The following MAPK15 variants were observed in gnomAD, a reference collection of about 807,000 sequenced individuals.
MAPK15 encodes ERK-7.
In MAPK15, 61 loss-of-function variants were observed where a neutral mutation model predicts 60.8. That is an observed-to-expected ratio of 1.00 (90% CI 0.82 to 1.24). MAPK15 has a LOEUF of 1.24. Among genes scored for constraint, MAPK15 ranks in the 50% most tolerant of loss-of-function variants. The pLI is 0.00. For missense variants in MAPK15, 808 were observed against 741.1 expected, an observed-to-expected ratio of 1.09 and a Z score of -1.05; for synonymous variants, 356 against 319.9, an observed-to-expected ratio of 1.11 and a Z score of -1.21.
chr8:143,720,766 T>C lies in MAPK15; in HGVS notation c.843T>C (p.Leu281=), dbSNP rs781890831. ...CCTCCCCAGAGGCCTTGGACCTCCT[T>C]AGGCGACTCCTGGTGTTCGCCCCGG... ...PDTSPEALDL[L]RRLLVFAPDK... is the part of the protein sequence containing the mutation. Residue 281 remains leucine (L), a synonymous_variant, in exon 9 of 14, where the codon CTT becomes CTC. Transcript: ENST00000338033. The surrounding 1 kb of genome is among the most constrained non-coding windows in gnomAD (Gnocchi z 4.6). 1.5e-5 allele frequency: 24 copies of C among 1,613,590 alleles called. No individual in the cohort carries two copies. The highest frequency in any genetic ancestry group is 2.2e-5 in the East Asian group (1 of 44,886).
rs1554619600 is a variant in MAPK15, at chr8:143,720,975, GCCCCACCT to G, written c.918-21_918-14del. ...AGGGGCTCCCTTGGCCGCAGCCCGG[GCCCCACCT>G]CCCTGGCTCCCTGCAGGTTCCACTG... On this transcript the variant is annotated splice_polypyrimidine_tract_variant and intron_variant, in intron 9 of 13. Coordinates refer to ENST00000338033, the MANE Select transcript of MAPK15 (RefSeq NM_139021.3). The surrounding 1 kb of genome is among the most constrained non-coding windows in gnomAD (Gnocchi z 4.6). 1.3e-6 allele frequency: 2 copies of G among 1,597,582 alleles called. No individual in the cohort carries two copies. The highest frequency in any genetic ancestry group is 1.7e-6 in the Non-Finnish European group (2 of 1,172,666).
chr8:143,721,981 C>T, intron 13 of MAPK15, 94 bp from the exon 14 acceptor site: 2 of 1,528,002 alleles, frequency 1.3e-6, no homozygotes, highest in Non-Finnish European at 8.8e-7. Context: ...ATTGCCCCTC[C>T]AATGTCCAGT....
intron 1 of MAPK15, among the ~76,000 whole-genome samples, chr8:143,716,914 A>C (rs1563747025): frequency 1.3e-5 from 2 of 151,616 alleles, no homozygotes; most frequent in African/African-American, 4.9e-5. Context: ...GTGTGTGAGC[A>C]TGTAAGCCTG....
Position 143,722,311 on chromosome 8 carries a change from T to A in MAPK15, c.*60T>A, listed in dbSNP as rs1818117183. On this transcript the variant is annotated 3_prime_UTR_variant, in exon 14 of 14. Transcript: ENST00000338033. ...TGCCCCAGCCCCTTCCCCAGACCCC[T>A]CTCCAGTCTCCTGCACCCCTTAGCC... 1.4e-6 allele frequency: 2 copies of A among 1,412,030 alleles called. No homozygotes were observed. Among genetic ancestry groups the A allele is most frequent in the Non-Finnish European group, 1.9e-6 (2 of 1,059,018 alleles). The allele number at this position is 1,412,030 out of a possible 1,614,324, so 87.5% of individuals were successfully genotyped here. A position where few individuals can be genotyped will look rare whatever the true frequency, so the allele number is the denominator to read the frequency against.
Position 143,721,790 on chromosome 8 carries a change from C to G in MAPK15, c.1368C>G (p.Thr456=). The change falls in exon 13 of 14, where the codon ACC becomes ACG. Residue 456 remains threonine, a synonymous_variant. Coordinates refer to ENST00000338033, the MANE Select transcript of MAPK15 (RefSeq NM_139021.3). ...PSGRGAAPSL[T]SQAAAQVANQ... The stretch of plus-strand genomic sequence containing the variant: ...GGAGGGGAGCTGCGCCCTCCCTGAC[C>G]TCCCAGGCTGCGGCTCAGGTGGCCA... The G allele has an allele frequency of 6.2e-7, 1 of 1,613,290 alleles. No homozygotes were observed. Among genetic ancestry groups the G allele is most frequent in the Non-Finnish European group, 8.5e-7 (1 of 1,179,828 alleles).
rs1554619248 is a variant in MAPK15, at chr8:143,719,385, G to A, written c.624G>A (p.Leu208=). The change falls in exon 7 of 14, where the codon CTG becomes CTA. Residue 208 remains leucine, a synonymous_variant. Transcript: ENST00000338033. ...GVDMWSLGCI[L]GEMLRGRPLF... is the part of the protein sequence containing the mutation. The stretch of plus-strand genomic sequence containing the variant: ...ACATGTGGAGTCTGGGCTGTATCCT[G>A]GGGGAGATGCTGCGGGGGAGACCCC... 2 of 1,611,322 alleles carry A rather than the reference G, an allele frequency of 1.2e-6. No individual in the cohort carries two copies. The highest frequency in any genetic ancestry group is 1.1e-5 in the South Asian group (1 of 90,658).
intron 1 of MAPK15, 137 bp downstream of exon 1, chr8:143,716,580 G>A: frequency 1.4e-6 from 1 of 728,982 alleles, no homozygotes; most frequent in Non-Finnish European, 2.1e-6. Flanking sequence ...AGGCGGGAGA[G>A]GTGGTCTGGA....
chr8:143,718,822 G>A lies in MAPK15; in HGVS notation c.334G>A (p.Val112Ile), dbSNP rs371795375. ...VIRKGGLLQD[V>I]HVRSIFYQLL... ...CCGGAAGGGCGGCCTGCTGCAGGACGTCCACGTGCGCTCCATCTTCTACCA... is the reference window on the plus strand; with the variant it reads ...CCGGAAGGGCGGCCTGCTGCAGGACATCCACGTGCGCTCCATCTTCTACCA... The change falls in exon 5 of 14, where the codon GTC (valine) becomes ATC (isoleucine). Residue 112 changes from valine to isoleucine, a missense_variant. By Grantham distance (29) the Val-to-Ile change is conservative. Transcript: ENST00000338033. 1.7e-5 allele frequency: 27 copies of A among 1,611,568 alleles called. No individual in the cohort carries two copies. Among genetic ancestry groups the A allele is most frequent in the Non-Finnish European group, 2.2e-5 (26 of 1,179,660 alleles).
chr8:143,718,154 T>G, intron 3 of MAPK15, 58 bp from the exon 4 acceptor site: 1 of 1,613,118 alleles, frequency 6.2e-7, no homozygotes, highest in Non-Finnish European at 8.5e-7. Context: ...ACTGGCCTTC[T>G]TGGGCCCCAG....
In MAPK15 at chr8:143,721,071, T is replaced by C; in HGVS notation, c.989T>C (p.Leu330Pro). ...VRPRAHEGVQ[L>P]SVPEYRSRVY... ...CCCCGGGCACACGAAGGGGTCCAGC[T>C]CTCTGTGCCTGAGTACCGCAGCCGC... is the stretch of plus-strand genomic sequence containing the variant. Residue 330 changes from leucine (L) to proline (P), a missense_variant, in exon 10 of 14, where the codon CTC (leucine) becomes CCC (proline). Leu to Pro is a moderately conservative substitution (Grantham distance 98). Coordinates refer to ENST00000338033, the MANE Select transcript of MAPK15 (RefSeq NM_139021.3). 6.2e-7 allele frequency: 1 copy of C among 1,611,852 alleles called. No homozygotes were observed. The highest frequency in any genetic ancestry group is 1.1e-5 in the South Asian group (1 of 91,018).
chr8:143,716,861 G>C (rs143719634), intron 1 of MAPK15, among the ~76,000 whole-genome samples: 4 of 152,204 alleles, frequency 2.6e-5, no homozygotes, highest in Non-Finnish European at 4.4e-5. Context: ...GCGGTTATGG[G>C]GTGGGCGCAG....
At chr8:143,717,993 A>C in intron 2 of MAPK15, 54 bp from the exon 3 acceptor site, 2 of 1,612,702 alleles carry the variant, frequency 1.2e-6, no homozygotes, top group Non-Finnish European at 1.7e-6. Context: ...CTCTCAGGAC[A>C]TGGGCTTCCT....
chr8:143,719,277 C>T (rs1220261259), intron 6 of MAPK15, 66 bp from the exon 7 acceptor site: 7 of 1,542,494 alleles, frequency 4.5e-6, no homozygotes, highest in Non-Finnish European at 6.1e-6. Context: ...CCCATTCACC[C>T]CCCAGCAACC....
chr8:143,719,903 C>T (rs4875044), intron 7 of MAPK15, among the ~76,000 whole-genome samples: 147,737 of 151,802 alleles, frequency 0.97, 72,008 homozygotes, highest in Middle Eastern at 1. Context: ...CTCTTGAGGG[C>T]GGGGGCAAGA....
At position 143,716,445 on chromosome 8, in the gene MAPK15, T is replaced by C. The variant is rs567448822; in HGVS notation, c.66+2T>C. The stretch of plus-strand genomic sequence containing the variant: ...CTCAGGCGGCAGCTCGGGCAGGGGG[T>C]GAGTGCCTGGGGGTGCGTCCGCGCG... On this transcript the variant is annotated splice_donor_variant, in intron 1 of 13. Coordinates refer to ENST00000338033, the MANE Select transcript of MAPK15 (RefSeq NM_139021.3). LOFTEE classifies it high-confidence loss of function. The C allele has an allele frequency of 4.4e-6, 7 of 1,598,996 alleles. No homozygotes were observed. Among genetic ancestry groups the C allele is most frequent in the Middle Eastern group, 1.7e-4 (1 of 6,002 alleles).
Position 143,720,586 on chromosome 8 carries a change from A to C in MAPK15, c.780-117A>C, listed in dbSNP as rs180873166. 3.3e-4 allele frequency: 495 copies of C among 1,498,410 alleles called. 3 individuals carry two copies. In the Middle Eastern group the frequency reaches 4.2e-3, roughly 13 times the overall value. The allele number at this position is 1,498,410 out of a possible 1,614,324, so 92.8% of individuals were successfully genotyped here. On this transcript the variant is annotated intron_variant, in intron 8 of 13. Coordinates refer to ENST00000338033, the MANE Select transcript of MAPK15 (RefSeq NM_139021.3). The surrounding 1 kb of genome is among the most constrained non-coding windows in gnomAD (Gnocchi z 4.6). The stretch of plus-strand genomic sequence containing the variant: ...CTGCAGGTCAGGCACAGGGGCATCT[A>C]CCTAGACAGGACAGCAGGGTGGACC...
At chr8:143,721,939 C>T in intron 13 of MAPK15, 59 bp downstream of exon 13, 10 of 1,519,920 alleles carry the variant, frequency 6.6e-6, no homozygotes, top group Non-Finnish European at 8.8e-6. Context: ...TCCCCTTCCC[C>T]CCTGCTTTTC....
chr8:143,716,560 C>A, intron 1 of MAPK15, 117 bp downstream of exon 1: 2 of 881,430 alleles, frequency 2.3e-6, no homozygotes, highest in Non-Finnish European at 3.3e-6. Flanking sequence ...TGGCGTCCTG[C>A]CTCCTCCGTA....
chr8:143,717,695 C>T lies in MAPK15; in HGVS notation c.68C>T (p.Ala23Val). Residue 23 changes from alanine (A) to valine (V), a missense_variant and splice_region_variant, in exon 2 of 14, where the codon GCC (alanine) becomes GTC (valine). Transcript: ENST00000338033. ...YLLRRQLGQGAYGIVWKAVDR... is the reference protein window; with the variant it reads ...YLLRRQLGQGVYGIVWKAVDR... ...CTGTGTGACGGCACTCCTTCCCAGG[C>T]CTATGGCATTGTGTGGAAGGCAGTG... The T allele has an allele frequency of 1.2e-6, 2 of 1,603,692 alleles. No individual in the cohort carries two copies. Among genetic ancestry groups the T allele is most frequent in the Non-Finnish European group, 8.5e-7 (1 of 1,175,776 alleles).
Sources: gnomAD v4.1 joint callset for allele counts (sites outside exome capture counted in the v4.1 genomes callset) on GRCh38, gnomAD v4.1.1 for gene constraint, Gnocchi (gnomAD v3.1) non-coding constraint, MANE v1.5 for transcripts, NCBI Gene and HGNC (gene_info 2026-07-23, HGNC 2026-07-21) for gene names.